The following BCR variants were observed in gnomAD, a reference collection of about 807,000 sequenced individuals.
BCR encodes the protein BCR activator of RhoGEF and GTPase.
BCR carries 58 observed loss-of-function variants against 138.6 expected under a neutral mutation model. The observed-to-expected ratio is 0.42, with a 90% CI of 0.34 to 0.52. BCR has a LOEUF of 0.52. Among genes scored for constraint, BCR ranks in the 20% least tolerant of loss-of-function variants. BCR has a pLI of 0.06. For missense variants in BCR, 1,599 were observed against 1,727.2 expected (o/e 0.93, Z 1.32); for synonymous variants, 786 against 730.1 (o/e 1.08, Z -1.23).
chr22:23,259,980 A>G (rs1331749989), intron 2 of BCR, among the ~76,000 whole-genome samples: 1 of 152,164 alleles, frequency 6.6e-6, no homozygotes, highest in Non-Finnish European at 1.5e-5. Context: ...AGAGTGAGAC[A>G]TCGTCTCAAA....
At chr22:23,206,268 T>A (rs2072611569) in intron 1 of BCR, among the ~76,000 whole-genome samples, 1 of 152,166 alleles carries the variant, frequency 6.6e-6, no homozygotes, top group Non-Finnish European at 1.5e-5. Flanking sequence ...TTTGAAATTT[T>A]CCAGGATAAA....
intron 21 of BCR, among the ~76,000 whole-genome samples, 157 bp from the exon 22 acceptor site, chr22:23,314,395 G>A (rs2074043528): frequency 6.6e-6 from 1 of 152,142 alleles, no homozygotes; most frequent in Non-Finnish European, 1.5e-5. Flanking sequence ...CCTTGTCCTG[G>A]GCCACTGAGA....
At chr22:23,219,357 C>A (rs1468825755) in intron 1 of BCR, among the ~76,000 whole-genome samples, 1 of 152,128 alleles carries the variant, frequency 6.6e-6, no homozygotes, top group African/African-American at 2.4e-5. Flanking sequence ...CACAAAGCCT[C>A]CCCCCGGATC....
At chr22:23,299,404 T>C (rs544312227) in intron 16 of BCR, among the ~76,000 whole-genome samples, 18 of 152,314 alleles carry the variant, frequency 1.2e-4, no homozygotes, top group Admixed American at 3.3e-4. Context: ...CACGGGTGAA[T>C]GGCTGTGTGG....
intron 1 of BCR, among the ~76,000 whole-genome samples, chr22:23,239,584 TG>T (rs2073065284): frequency 1.3e-5 from 2 of 152,218 alleles, no homozygotes; most frequent in South Asian, 4.1e-4. Context: ...TCCTCAGTGC[TG>T]GTGTCTGAGC....
At chr22:23,274,308 C>CG (rs2146289778) in intron 8 of BCR, among the ~76,000 whole-genome samples, 1 of 152,358 alleles carries the variant, frequency 6.6e-6, no homozygotes, top group East Asian at 1.9e-4. Flanking sequence ...CCTTCCCCCC[C>CG]GTCACTGATG....
intron 1 of BCR, among the ~76,000 whole-genome samples, chr22:23,233,752 T>G (rs186948628): frequency 1.4e-5 from 2 of 143,662 alleles, no homozygotes; most frequent in African/African-American, 2.6e-5. Flanking sequence ...ATCACACCAC[T>G]GCACGCCAGC....
At chr22:23,239,596 TCC>T (rs2073065608) in intron 1 of BCR, among the ~76,000 whole-genome samples, 1 of 152,174 alleles carries the variant, frequency 6.6e-6, no homozygotes, top group Non-Finnish European at 1.5e-5. Context: ...GTGTCTGAGC[TCC>T]ACAATGACTT....
chr22:23,264,093 G>A, intron 4 of BCR: 2 of 1,441,664 alleles, frequency 1.4e-6, no homozygotes, highest in Non-Finnish European at 2.0e-6. Context: ...CCGCACCAGT[G>A]TCCGGAAATG....
At chr22:23,216,540 G>A (rs78582428) in intron 1 of BCR, among the ~76,000 whole-genome samples, 1,731 of 152,356 alleles carry the variant, frequency 0.011, 32 homozygotes, top group African/African-American at 0.04. Flanking sequence ...ATTGTCATAA[G>A]TGGAAAAAGT....
At position 23,253,814 on chromosome 22, in the gene BCR, C is replaced by T; in HGVS notation, c.1295C>T (p.Thr432Ile). The T allele has an allele frequency of 2.5e-6, 4 of 1,611,958 alleles. No individual in the cohort carries two copies. Among genetic ancestry groups the T allele is most frequent in the East Asian group, 4.5e-5 (2 of 44,856 alleles). Reference sequence around the variant, plus strand: ...GCACACACAGATGGCTCGTTCGGAACACCACCTGGATACGGCTGCGCTGCA... The same window carrying T: ...GCACACACAGATGGCTCGTTCGGAATACCACCTGGATACGGCTGCGCTGCA... ...FHGDADGSFG[T>I]PPGYGCAADR... Residue 432 changes from threonine (T) to isoleucine (I), a missense_variant, in exon 2 of 23, where the codon ACA (threonine) becomes ATA (isoleucine). Thr to Ile is a moderately conservative substitution (Grantham distance 89). Around this residue, in one of 4 missense-constraint regions of BCR, gnomAD observed 806 missense variants for 635.0 expected, o/e 1.27. Coordinates refer to ENST00000305877, the MANE Select transcript of BCR (RefSeq NM_004327.4).
intron 1 of BCR, among the ~76,000 whole-genome samples, chr22:23,208,592 C>T (rs1423885743): frequency 1.3e-5 from 2 of 152,176 alleles, no homozygotes; most frequent in African/African-American, 4.8e-5. Flanking sequence ...GTGGCTCATG[C>T]CTATAATCCC....
In BCR at chr22:23,181,125, C is replaced by A; in HGVS notation, c.165C>A (p.Arg55=). 1 of 1,497,062 alleles carries A rather than the reference C, an allele frequency of 6.7e-7. No homozygotes were observed. Among genetic ancestry groups the A allele is most frequent in the African/African-American group, 1.4e-5 (1 of 70,092 alleles). 92.7% of individuals were successfully genotyped at this position (1,497,062 alleles called of 1,614,324 possible). Residue 55 remains arginine (R), a synonymous_variant, in exon 1 of 23, where the codon CGC becomes CGA. Coordinates refer to ENST00000305877, the MANE Select transcript of BCR (RefSeq NM_004327.4). ...LEQEVNQERF[R]MIYLQTLLAK... ...AGGAGGTGAACCAGGAGCGCTTCCG[C>A]ATGATCTACCTGCAGACGTTGCTGG...
Position 23,261,377 on chromosome 22 carries a change from C to T in BCR, c.1589C>T (p.Ala530Val). The T allele has an allele frequency of 6.2e-7, 1 of 1,613,128 alleles. No individual in the cohort carries two copies. The highest frequency in any genetic ancestry group is 8.5e-7 in the Non-Finnish European group (1 of 1,179,544). Residue 530 changes from alanine to valine, a missense_variant, in exon 4 of 23, where the codon GCT becomes GTT. Physicochemically the swap from Ala to Val is moderately conservative, Grantham distance 64 (BLOSUM62 0). Around this residue, in one of 4 missense-constraint regions of BCR, gnomAD observed 590 missense variants for 762.4 expected, o/e 0.77. Coordinates refer to ENST00000305877, the MANE Select transcript of BCR (RefSeq NM_004327.4). ...CAGCCCATGAAGCCTTTGAAAGCCG[C>T]TGCCACCACCTCTCAGCCGGTGCTG... ...LLLPMKPLKA[A>V]ATTSQPVLTS...
chr22:23,203,256 C>A (rs924901135), intron 1 of BCR, among the ~76,000 whole-genome samples: 9 of 152,180 alleles, frequency 5.9e-5, no homozygotes, highest in African/African-American at 1.9e-4. Flanking sequence ...TCTTAAGACC[C>A]TTGATGGCTG....
At chr22:23,269,760 C>G (rs2073488235) in intron 5 of BCR, among the ~76,000 whole-genome samples, 1 of 152,222 alleles carries the variant, frequency 6.6e-6, no homozygotes, top group Non-Finnish European at 1.5e-5. Context: ...TCCCCCACAG[C>G]TGGAATGGTG....
chr22:23,288,533 A>C (rs1186573426), intron 12 of BCR, among the ~76,000 whole-genome samples: 1 of 137,182 alleles, frequency 7.3e-6, no homozygotes, highest in Non-Finnish European at 1.6e-5. Flanking sequence ...CCTGCCCCCT[A>C]GTCCTTTCTG....
At chr22:23,297,198 G>T (rs1023711042) in intron 16 of BCR, among the ~76,000 whole-genome samples, 1 of 147,334 alleles carries the variant, frequency 6.8e-6, no homozygotes, top group African/African-American at 2.5e-5. Flanking sequence ...CACCATGCCT[G>T]GCTAAGTTGT....
At chr22:23,204,010 G>C (rs2072584105) in intron 1 of BCR, among the ~76,000 whole-genome samples, 1 of 152,208 alleles carries the variant, frequency 6.6e-6, no homozygotes, top group African/African-American at 2.4e-5. Flanking sequence ...AGTGGGTTCA[G>C]ATGGTCTTGG....
Sources: gnomAD v4.1 joint callset for allele counts (sites outside exome capture counted in the v4.1 genomes callset) on GRCh38, gnomAD v4.1.1 for gene constraint, gnomAD v4.1.1 regional missense constraint, MANE v1.5 for transcripts, NCBI Gene and HGNC (gene_info 2026-07-23, HGNC 2026-07-21) for gene names.